The following CEP170B variants were observed in gnomAD, a reference collection of about 807,000 sequenced individuals.
The protein encoded by CEP170B is centrosomal protein 170B, also known as centrosomal protein of 170 kDa protein B.
In CEP170B, 55 loss-of-function variants were observed where a neutral mutation model predicts 120.6. The observed-to-expected ratio is 0.46, with a 90% CI of 0.37 to 0.57. CEP170B has a LOEUF of 0.57. Ranked by LOEUF, CEP170B falls within the 20% of genes least tolerant of loss-of-function variation. CEP170B has a pLI of 0.00. For synonymous variants in CEP170B, 1,033 were observed against 954.5 expected (o/e 1.08, Z -1.52); for missense variants, 2,212 against 2,253.3 (o/e 0.98, Z 0.37).
Position 104,877,981 on chromosome 14 carries a change from G to C in CEP170B, c.274+18G>C, listed in dbSNP as rs2304758. The C allele has an allele frequency of 3.2e-4, 502 of 1,593,190 alleles. No homozygotes were observed. In the Middle Eastern group the frequency reaches 3.3e-3, roughly 11 times the overall value. On this transcript the variant is annotated intron_variant, in intron 4 of 18. Transcript: ENST00000414716. ...CGGCTACGATATCCTGCCCCTGAGC[G>C]TCCCTCCTCCTGGGCTTCTTCTCAG...
Position 104,887,485 on chromosome 14 carries a change from AGCGGCCCCACC to A in CEP170B, c.3249_3259del (p.Ala1084IlefsTer11), listed in dbSNP as rs1896587560. The A allele has an allele frequency of 6.2e-7, 1 of 1,611,778 alleles. No homozygotes were observed. Among genetic ancestry groups the A allele is most frequent in the Non-Finnish European group, 8.5e-7 (1 of 1,179,634 alleles). ...GACGGCTAGGTTCTCGCCGGAAACCAGCGGCCCCACCGCCATCCCCAGCTGCCCGGGAGGAG... is the reference window on the plus strand; with the variant it reads ...GACGGCTAGGTTCTCGCCGGAAACCAGCCATCCCCAGCTGCCCGGGAGGAG... On this transcript the variant is annotated frameshift_variant, in exon 12 of 19. Coordinates refer to ENST00000414716, the MANE Select transcript of CEP170B (RefSeq NM_001112726.3). LOFTEE classifies it high-confidence loss of function.
rs756013268 is a variant in CEP170B, at chr14:104,887,328, C to G, written c.3089C>G (p.Ala1030Gly). 1.2e-6 allele frequency: 2 copies of G among 1,610,996 alleles called. No homozygotes were observed. Among genetic ancestry groups the G allele is most frequent in the African/African-American group, 2.7e-5 (2 of 74,926 alleles). Residue 1030 changes from alanine to glycine, a missense_variant, in exon 12 of 19, where the codon GCC becomes GGC. By Grantham distance (60) the Ala-to-Gly change is moderately conservative (BLOSUM62 0). Transcript: ENST00000414716. ...CGTGGAGAGCCGGTACGGCGCTCAG[C>G]CATAAGGCGTGGCCACAGGCCCCGA... ...MGRGEPVRRSAIRRGHRPRGS... is the reference protein window; with the variant it reads ...MGRGEPVRRSGIRRGHRPRGS...
At chr14:104,885,692 G>A in intron 10 of CEP170B, 150 bp downstream of exon 10, 6 of 1,153,652 alleles carry the variant, frequency 5.2e-6, no homozygotes, top group Non-Finnish European at 7.1e-6. Context: ...GGGCTTCCAT[G>A]AGGAGGGATC....
At chr14:104,878,563 C>T in intron 5 of CEP170B, 62 bp downstream of exon 5, 3 of 1,540,042 alleles carry the variant, frequency 1.9e-6, no homozygotes, top group Non-Finnish European at 2.7e-6. Context: ...TCCTCCCCAC[C>T]ATGCTCCCGC....
intron 13 of CEP170B, 29 bp from the exon 14 acceptor site, chr14:104,892,947 G>C: frequency 6.4e-7 from 1 of 1,551,892 alleles, no homozygotes; most frequent in Non-Finnish European, 8.7e-7. Context: ...CCTCTGTGCA[G>C]AACCTGCCGT....
intron 2 of CEP170B, among the ~76,000 whole-genome samples, chr14:104,869,819 G>C (rs865846432): frequency 3.3e-5 from 5 of 152,244 alleles, no homozygotes; most frequent in African/African-American, 9.6e-5. Flanking sequence ...CCTAGATCTC[G>C]GGCTTCCAGC....
At chr14:104,873,255 A>G (rs1595314973) in intron 2 of CEP170B, among the ~76,000 whole-genome samples, 2 of 103,470 alleles carry the variant, frequency 1.9e-5, no homozygotes, top group African/African-American at 3.8e-5. Context: ...CTGCGGGGGG[A>G]CTCTGTGCTG....
rs1215055207 is a variant in CEP170B at position 104,886,320 on chromosome 14, C to T, written c.2081C>T (p.Pro694Leu). 1 of 1,550,994 alleles carries T rather than the reference C, an allele frequency of 6.4e-7. No individual in the cohort carries two copies. Among genetic ancestry groups the T allele is most frequent in the African/African-American group, 1.4e-5 (1 of 73,936 alleles). The stretch of plus-strand genomic sequence containing the variant: ...GGCGGGGAGCCGGAGGGGTCCCTGC[C>T]TGTGCGCATGCGGCGACGGCTCCCT... Reference protein sequence around the residue: ...RRGGEPEGSLPVRMRRRLPQL... With the variant: ...RRGGEPEGSLLVRMRRRLPQL... The change falls in exon 12 of 19, where the codon CCT (proline) becomes CTT (leucine). Residue 694 changes from proline to leucine, a missense_variant. Physicochemically the swap from Pro to Leu is moderately conservative, Grantham distance 98. Around this residue, in one of 2 missense-constraint regions of CEP170B, gnomAD observed 2,166 missense variants for 2,166.7 expected, o/e 1.00. Coordinates refer to ENST00000414716, the MANE Select transcript of CEP170B (RefSeq NM_001112726.3).
rs749353455 is a variant in CEP170B at position 104,883,260 on chromosome 14, C to T, written c.803C>T (p.Ser268Phe). 17 of 1,611,610 alleles carry T rather than the reference C, an allele frequency of 1.1e-5. No individual in the cohort carries two copies. The Admixed American group carries it at 2.5e-4, about 24-fold the overall frequency. The part of the protein sequence containing the change: ...GAAPVVQSHA[S>F]FTIEFDDCSP... The stretch of plus-strand genomic sequence containing the variant: ...GCCCCTGTGGTGCAGAGCCACGCCT[C>T]CTTCACCATCGAGTTTGATGACTGC... The change falls in exon 8 of 19, where the codon TCC becomes TTC. Residue 268 changes from serine (S) to phenylalanine (F), a missense_variant. This residue lies in a region of CEP170B where 2,166 missense variants were observed against 2,166.7 expected (regional missense o/e 1.00). Transcript: ENST00000414716.
At chr14:104,888,882 C>T (rs1469157865) in intron 12 of CEP170B, among the ~76,000 whole-genome samples, 1 of 152,120 alleles carries the variant, frequency 6.6e-6, no homozygotes, top group Admixed American at 6.5e-5. Flanking sequence ...AGGGTCACCC[C>T]TGCTTGGTGG....
At chr14:104,882,174 C>T (rs1896189582) in intron 6 of CEP170B, among the ~76,000 whole-genome samples, 1 of 152,144 alleles carries the variant, frequency 6.6e-6, no homozygotes, top group South Asian at 2.1e-4. Flanking sequence ...CTGAAATATA[C>T]AATTTCCCTC....
At chr14:104,877,376 C>A (rs1229962303) in intron 3 of CEP170B, among the ~76,000 whole-genome samples, 2 of 152,192 alleles carry the variant, frequency 1.3e-5, no homozygotes, top group Non-Finnish European at 2.9e-5. Context: ...GCCTGTGATG[C>A]CCACAGACCT....
chr14:104,873,459 C>G (rs968595121), intron 2 of CEP170B, among the ~76,000 whole-genome samples: 4 of 151,798 alleles, frequency 2.6e-5, no homozygotes, highest in African/African-American at 9.7e-5. Context: ...GGCTTTGGGG[C>G]CTGCGGGAAA....
At position 104,883,314 on chromosome 14, in the gene CEP170B, A is replaced by G. The variant is rs1480180883; in HGVS notation, c.857A>G (p.His286Arg). The G allele has an allele frequency of 6.2e-7, 1 of 1,612,144 alleles. No individual in the cohort carries two copies. Among genetic ancestry groups the G allele is most frequent in the South Asian group, 1.1e-5 (1 of 90,994 alleles). The change falls in exon 8 of 19, where the codon CAT (histidine) becomes CGT (arginine). Residue 286 changes from histidine (H) to arginine (R), a missense_variant. Transcript: ENST00000414716. ...CSPGKMKIKD[H>R]ITKFSLRQRR... ...CCTGGCAAGATGAAGATCAAGGACC[A>G]TATCACCAAGTTTTCCCTGCGCCAG...
intron 2 of CEP170B, among the ~76,000 whole-genome samples, chr14:104,871,471 C>T (rs927252506): frequency 2.6e-5 from 4 of 151,858 alleles, no homozygotes; most frequent in African/African-American, 9.7e-5. Context: ...GGACCCGGCT[C>T]ACACCGACCT....
Position 104,877,218 on chromosome 14 carries a change from T to C in CEP170B, c.196-667T>C, listed in dbSNP as rs1895900526. Among the ~76,000 whole-genome samples, 14 of 152,320 alleles carry C rather than the reference T, an allele frequency of 9.2e-5. 1 individual carries two copies. In the South Asian group the frequency reaches 2.9e-3, roughly 32 times the overall value. ...GTCTGATGAAGCGGCTGTCCCTGAATGGCTGCACAGCAAGTGGCCGCTCCT... is the reference window on the plus strand; with the variant it reads ...GTCTGATGAAGCGGCTGTCCCTGAACGGCTGCACAGCAAGTGGCCGCTCCT... On this transcript the variant is annotated intron_variant, in intron 3 of 18. Coordinates refer to ENST00000414716, the MANE Select transcript of CEP170B (RefSeq NM_001112726.3).
In CEP170B at chr14:104,872,341, T is replaced by TGG. The variant is rs1407863985; in HGVS notation, c.105+3787_105+3788insGG. Among the ~76,000 whole-genome samples the TGG allele has an allele frequency of 6.7e-3, 755 of 113,382 alleles. 116 individuals are homozygous for TGG. The highest frequency in any genetic ancestry group is 0.016 in the African/African-American group (438 of 27,830). 74.4% of individuals were successfully genotyped at this position (113,382 alleles called of 152,430 possible). On this transcript the variant is annotated intron_variant, in intron 2 of 18. Coordinates refer to ENST00000414716, the MANE Select transcript of CEP170B (RefSeq NM_001112726.3). ...TGCCGTGGGTGTGCGTGGGTGTGCG[T>TGG]GTGTGTGCGTGTGTGTGCCGCGTGT...
At chr14:104,878,877 T>G (rs563427363) in intron 5 of CEP170B, among the ~76,000 whole-genome samples, 4 of 152,326 alleles carry the variant, frequency 2.6e-5, no homozygotes, top group African/African-American at 7.2e-5. Flanking sequence ...CGGATTTAGC[T>G]GTGGCTCACA....
Position 104,887,660 on chromosome 14 carries a change from G to A in CEP170B, c.3421G>A (p.Asp1141Asn). Residue 1141 changes from aspartate to asparagine, a missense_variant, in exon 12 of 19, where the codon GAT becomes AAT. Asp to Asn is a conservative substitution (Grantham distance 23). Around this residue, in one of 2 missense-constraint regions of CEP170B, gnomAD observed 2,166 missense variants for 2,166.7 expected, o/e 1.00. Coordinates refer to ENST00000414716, the MANE Select transcript of CEP170B (RefSeq NM_001112726.3). The part of the protein sequence containing the change: ...LGDASDTEAA[D>N]GERGSLGNPE... ...GGACGCTTCAGACACTGAGGCTGCG[G>A]ATGGTGAGCGGGGGTCCCTGGGCAA... is the stretch of plus-strand genomic sequence containing the variant. 2 of 1,568,438 alleles carry A rather than the reference G, an allele frequency of 1.3e-6. No homozygotes were observed. Among genetic ancestry groups the A allele is most frequent in the Non-Finnish European group, 8.6e-7 (1 of 1,159,346 alleles).
Sources: gnomAD v4.1 joint callset for allele counts (sites outside exome capture counted in the v4.1 genomes callset) on GRCh38, gnomAD v4.1.1 for gene constraint, gnomAD v4.1.1 regional missense constraint, MANE v1.5 for transcripts, NCBI Gene and HGNC (gene_info 2026-07-23, HGNC 2026-07-21) for gene names.